TMEM233: variants seen among roughly 807,000 people sequenced by gnomAD.
TMEM233 encodes transmembrane protein 233, also known as dispanin subfamily B member 2.
In TMEM233, 6 loss-of-function variants were observed where a neutral mutation model predicts 11.2. That is an observed-to-expected ratio of 0.54 (90% confidence interval 0.29 to 1.06). TMEM233 has a LOEUF of 1.06. Ranked by LOEUF, TMEM233 falls within the 50% of genes least tolerant of loss-of-function variation. The pLI is 0.08. For missense variants in TMEM233, 127 were observed against 144.7 expected (o/e 0.88, Z 0.63); for synonymous variants, 59 against 55.8 (o/e 1.06, Z -0.26).
chr12:119,613,213 C>CAA (rs3077328), intron 1 of TMEM233, among the ~76,000 whole-genome samples: 1 of 122,310 alleles, frequency 8.2e-6, no homozygotes, highest in Admixed American at 8.2e-5. Context: ...AAGCCTGTTC[C>CAA]AAAAAAAAAA....
downstream of TMEM233, among the ~76,000 whole-genome samples, chr12:119,647,233 G>A (rs746976014): frequency 4.6e-5 from 7 of 152,100 alleles, no homozygotes; most frequent in Non-Finnish European, 1.0e-4. Context: ...CCTTAAAAAG[G>A]TCTTTATTAC....
In TMEM233 at chr12:119,594,177, C is replaced by T; in HGVS notation, c.186+143C>T. 2 of 769,664 alleles carry T rather than the reference C, an allele frequency of 2.6e-6. No individual in the cohort carries two copies. Among genetic ancestry groups the T allele is most frequent in the East Asian group, 2.7e-5 (1 of 37,146 alleles). The allele number at this position is 769,664 out of a possible 1,614,324, so 47.7% of individuals were successfully genotyped here. On this transcript the variant is annotated intron_variant, in intron 1 of 2. Transcript: ENST00000426426. The surrounding 1 kb of genome is among the most constrained non-coding windows in gnomAD (Gnocchi z 5.6). ...GTGTTCTTTGTCCTCGCACCTCCTC[C>T]TCACCTTTCTCGGGCTCTCAGAGCT...
chr12:119,605,666 G>A lies in TMEM233; in HGVS notation c.186+11632G>A, dbSNP rs192266130. Among the ~76,000 whole-genome samples the A allele has an allele frequency of 5.5e-4, 84 of 151,884 alleles. 1 individual carries two copies. In the East Asian group the frequency reaches 0.01, roughly 19 times the overall value. On this transcript the variant is annotated intron_variant, in intron 1 of 2. Coordinates refer to ENST00000426426, the MANE Select transcript of TMEM233 (RefSeq NM_001136534.3). The stretch of plus-strand genomic sequence containing the variant: ...CTGGTCTTGAACTCCTGTGCTCAAG[G>A]GATCTACCCCCCTCAGCCTCCCGAA...
the TMEM233 span, among the ~76,000 whole-genome samples, chr12:119,649,878 G>A: frequency 1.7e-5 from 1 of 57,228 alleles, no homozygotes; most frequent in Non-Finnish European, 4.2e-5. Context: ...AAAAAAAAGG[G>A]CCGGGCGCGT....
At chr12:119,649,982 C>T in the TMEM233 span, among the ~76,000 whole-genome samples, 172 of 151,532 alleles carry the variant, frequency 1.1e-3, no homozygotes, top group Middle Eastern at 0.014. Context: ...CACGTTGAAA[C>T]CCCGTCTCTA....
At chr12:119,620,300 T>C (rs1391147844) in intron 1 of TMEM233, among the ~76,000 whole-genome samples, 1 of 152,260 alleles carries the variant, frequency 6.6e-6, no homozygotes, top group East Asian at 1.9e-4. Context: ...GAAAGAGCAC[T>C]TAAAAGAATT....
chr12:119,630,470 T>G (rs1279843283), intron 2 of TMEM233, among the ~76,000 whole-genome samples: 1 of 152,212 alleles, frequency 6.6e-6, no homozygotes, highest in East Asian at 1.9e-4. Context: ...ATGGTCCCGA[T>G]CATGGTCTCT....
the TMEM233 span, among the ~76,000 whole-genome samples, chr12:119,650,843 A>G: frequency 1.3e-5 from 2 of 152,136 alleles, no homozygotes; most frequent in African/African-American, 4.8e-5. Context: ...GGGTTTTGCC[A>G]TGTTGGCCAG....
Position 119,593,806 on chromosome 12 carries a change from G to T in TMEM233, c.-43G>T. The stretch of plus-strand genomic sequence containing the variant: ...GGCGGCCAGAGCCCCAGACCACACA[G>T]ACCGTGCGCTCCTCCGCCCTCCCGG... On this transcript the variant is annotated 5_prime_UTR_variant, in exon 1 of 3. Coordinates refer to ENST00000426426, the MANE Select transcript of TMEM233 (RefSeq NM_001136534.3). This position sits in a 1 kb window ranked among gnomAD's most constrained non-coding sequence, Gnocchi z 4.1. 1 of 1,541,602 alleles carries T rather than the reference G, an allele frequency of 6.5e-7. No homozygotes were observed. The highest frequency in any genetic ancestry group is 1.2e-5 in the South Asian group (1 of 82,778).
the TMEM233 span, among the ~76,000 whole-genome samples, chr12:119,649,251 T>C: frequency 3.9e-5 from 6 of 152,000 alleles, no homozygotes; most frequent in Non-Finnish European, 8.8e-5. Flanking sequence ...TGAGCCGAGA[T>C]TGTGCCACTG....
intron 1 of TMEM233, among the ~76,000 whole-genome samples, chr12:119,618,565 A>G (rs1217824734): frequency 1.3e-5 from 2 of 152,220 alleles, no homozygotes; most frequent in Non-Finnish European, 2.9e-5. Context: ...CACCTCTTAC[A>G]TCAGTGTGAC....
chr12:119,652,273 G>A, the TMEM233 span, among the ~76,000 whole-genome samples: 2 of 152,210 alleles, frequency 1.3e-5, no homozygotes, highest in Admixed American at 1.3e-4. Context: ...GCAGTGTTAT[G>A]TGTGAAAGTT....
rs1266693288 is a variant in TMEM233, at chr12:119,629,806, C to T, written c.257C>T (p.Ala86Val). ...RRLGRNAKWV[A>V]IASIIIGLLI... Reference sequence around the variant, plus strand: ...CTTGGGCGGAATGCTAAGTGGGTAGCCATCGCCTCCATCATCATTGGCCTT... The same window carrying T: ...CTTGGGCGGAATGCTAAGTGGGTAGTCATCGCCTCCATCATCATTGGCCTT... The change falls in exon 2 of 3, where the codon GCC becomes GTC. Residue 86 changes from alanine to valine, a missense_variant. By Grantham distance (64) the Ala-to-Val change is moderately conservative (BLOSUM62 0). Coordinates refer to ENST00000426426, the MANE Select transcript of TMEM233 (RefSeq NM_001136534.3). The T allele has an allele frequency of 6.4e-7, 1 of 1,551,700 alleles. No individual in the cohort carries two copies. Among genetic ancestry groups the T allele is most frequent in the South Asian group, 1.2e-5 (1 of 84,058 alleles).
intron 1 of TMEM233, among the ~76,000 whole-genome samples, chr12:119,608,340 A>C (rs745886342): frequency 2.6e-5 from 4 of 152,224 alleles, no homozygotes; most frequent in Non-Finnish European, 5.9e-5. Flanking sequence ...TATTCTGTAG[A>C]AAGTATCTAC....
chr12:119,606,569 C>G (rs1355037917), intron 1 of TMEM233, among the ~76,000 whole-genome samples: 1 of 152,062 alleles, frequency 6.6e-6, no homozygotes, highest in African/African-American at 2.4e-5. Context: ...CTGAACTCAA[C>G]AGATCAGAAT....
Position 119,594,341 on chromosome 12 carries a change from G to A in TMEM233, c.186+307G>A. On this transcript the variant is annotated intron_variant, in intron 1 of 2. Coordinates refer to ENST00000426426, the MANE Select transcript of TMEM233 (RefSeq NM_001136534.3). This position sits in a 1 kb window ranked among gnomAD's most constrained non-coding sequence, Gnocchi z 5.6. ...TCCAACCCGGGGAAGTTCTTCCGTGGACTTTGCTGACTCCTCTGACCTTCC... is the reference window on the plus strand; with the variant it reads ...TCCAACCCGGGGAAGTTCTTCCGTGAACTTTGCTGACTCCTCTGACCTTCC... The A allele has an allele frequency of 8.6e-6, 3 of 350,202 alleles. No individual in the cohort carries two copies. Among genetic ancestry groups the A allele is most frequent in the Non-Finnish European group, 5.2e-6 (1 of 190,494 alleles). The allele number at this position is 350,202 out of a possible 1,614,324, so 21.7% of individuals were successfully genotyped here. A position where few individuals can be genotyped will look rare whatever the true frequency, so the allele number is the denominator to read the frequency against.
chr12:119,631,569 T>C (rs756690815), intron 2 of TMEM233: 40 of 985,310 alleles, frequency 4.1e-5, no homozygotes, highest in Non-Finnish European at 4.8e-5. Context: ...TGTTGGCCCA[T>C]GAAGAGGAAG....
chr12:119,627,104 T>G (rs1954781430), intron 1 of TMEM233, among the ~76,000 whole-genome samples: 1 of 152,152 alleles, frequency 6.6e-6, no homozygotes. Context: ...TATCAGTGAG[T>G]ACAGAGTATT....
At chr12:119,649,435 A>G in the TMEM233 span, among the ~76,000 whole-genome samples, 1 of 152,182 alleles carries the variant, frequency 6.6e-6, no homozygotes, top group African/African-American at 2.4e-5. Flanking sequence ...GACAATTTAG[A>G]GTGTTCCCTA....
Sources: gnomAD v4.1 joint callset for allele counts (sites outside exome capture counted in the v4.1 genomes callset) on GRCh38, gnomAD v4.1.1 for gene constraint, Gnocchi (gnomAD v3.1) non-coding constraint, MANE v1.5 for transcripts, NCBI Gene and HGNC (gene_info 2026-07-23, HGNC 2026-07-21) for gene names.